Variants in RNF19A observed in about 807,000 individuals in gnomAD.
RNF19A encodes ring finger protein 19A, RBR E3 ubiquitin protein ligase, also known as E3 ubiquitin-protein ligase RNF19A.
In RNF19A, 32 loss-of-function variants were observed where a neutral mutation model predicts 75.7. The ratio of observed to expected loss-of-function variants is 0.42; its 90% CI spans 0.32 to 0.57. The LOEUF is 0.57. Ranked by LOEUF, RNF19A falls within the 20% of genes least tolerant of loss-of-function variation. The pLI is 0.10. For missense variants in RNF19A, 782 were observed against 1,036.3 expected (o/e 0.75, Z 3.37); for synonymous variants, 335 against 345.2 (o/e 0.97, Z 0.33).
In RNF19A at chr8:100,265,066, A is replaced by G. The variant is rs371175005; in HGVS notation, c.1192-281T>C. On this transcript the variant is annotated intron_variant, in intron 5 of 9. Transcript: ENST00000341084. ...TTATAATCTTAATCAAAAGTAGTGT[A>G]ATTATGTATCGAGCAAAGAGGAAGA... 1.4e-4 allele frequency among the ~76,000 whole-genome samples: 21 copies of G among 152,308 alleles called. No homozygotes were observed. In the South Asian group the frequency reaches 2.5e-3, roughly 18 times the overall value.
intron 2 of RNF19A, among the ~76,000 whole-genome samples, chr8:100,286,515 G>C (rs1365928142): frequency 6.6e-6 from 1 of 152,184 alleles, no homozygotes; most frequent in Non-Finnish European, 1.5e-5. Context: ...GGAAAATTGG[G>C]ATTTGCACAG....
rs1822224520 is a variant in RNF19A at position 100,309,771 on chromosome 8, G to A, written c.-94+96C>T. 3 of 985,412 alleles carry A rather than the reference G, an allele frequency of 3.0e-6. No homozygotes were observed. The South Asian group carries it at 1.4e-4, about 46-fold the overall frequency. 61.0% of individuals were successfully genotyped at this position (985,412 alleles called of 1,614,324 possible). ...ATTTCTGTCCCGGGCAGGGGCGCTAGGGCTGCGGCCCGGCCAGAGCTCCCT... is the reference window on the plus strand; with the variant it reads ...ATTTCTGTCCCGGGCAGGGGCGCTAAGGCTGCGGCCCGGCCAGAGCTCCCT... On this transcript the variant is annotated intron_variant, in intron 1 of 9. Coordinates refer to ENST00000341084, the MANE Select transcript of RNF19A (RefSeq NM_183419.4).
At position 100,264,810 on chromosome 8, in the gene RNF19A, G is replaced by A. The variant is rs1232661964; in HGVS notation, c.1192-25C>T. On this transcript the variant is annotated intron_variant, in intron 5 of 9. Transcript: ENST00000341084. This position sits in a 1 kb window ranked among gnomAD's most constrained non-coding sequence, Gnocchi z 4.7. The stretch of plus-strand genomic sequence containing the variant: ...TCTTGAATTAATAAAAATAGGGGTG[G>A]GGGATTAAAGAGAAAATACATTACA... 1.3e-5 allele frequency: 19 copies of A among 1,478,496 alleles called. No individual in the cohort carries two copies. Among genetic ancestry groups the A allele is most frequent in the Non-Finnish European group, 1.8e-5 (19 of 1,058,090 alleles). 91.6% of individuals were successfully genotyped at this position (1,478,496 alleles called of 1,614,324 possible).
At position 100,287,441 on chromosome 8, in the gene RNF19A, A is replaced by G. The variant is rs928751008; in HGVS notation, c.674+60T>C. 8.6e-6 allele frequency: 13 copies of G among 1,513,004 alleles called. No homozygotes were observed. The highest frequency in any genetic ancestry group is 1.1e-5 in the Non-Finnish European group (13 of 1,130,742). The allele number at this position is 1,513,004 out of a possible 1,614,324, so 93.7% of individuals were successfully genotyped here. ...AAAATTTTTCTTTTGAGTAATAGCA[A>G]ATTATTTTATCCACAGAGAAAAAAA... On this transcript the variant is annotated intron_variant, in intron 2 of 9. Transcript: ENST00000341084. This position sits in a 1 kb window ranked among gnomAD's most constrained non-coding sequence, Gnocchi z 4.1.
intron 1 of RNF19A, among the ~76,000 whole-genome samples, chr8:100,302,883 A>G (rs949842558): frequency 1.3e-5 from 2 of 152,238 alleles, no homozygotes; most frequent in Non-Finnish European, 2.9e-5. Context: ...GAGAAGAAAG[A>G]AACGATACAA....
intron 5 of RNF19A, among the ~76,000 whole-genome samples, chr8:100,267,678 CTTTT>C (rs34590798): frequency 1.4e-5 from 2 of 138,694 alleles, no homozygotes; most frequent in African/African-American, 2.7e-5. Flanking sequence ...CTTGTTAGTT[CTTTT>C]TTTTTTTTTT....
Position 100,317,551 on chromosome 8 carries a change from T to G in RNF19A, c.-242-4179A>C. ...ATCCCCAAAGGTCTTCTTGATGGAT[T>G]CTCAGGCGACTGTTCCCATTTGCCT... is the stretch of plus-strand genomic sequence containing the variant. On this transcript the variant is annotated intron_variant, in intron 1 of 3. Transcript: ENST00000519527. This position sits in a 1 kb window ranked among gnomAD's most constrained non-coding sequence, Gnocchi z 4.3. Among the ~76,000 whole-genome samples the G allele has an allele frequency of 6.6e-6, 1 of 152,202 alleles. No individual in the cohort carries two copies. The highest frequency in any genetic ancestry group is 1.9e-4 in the East Asian group (1 of 5,192).
chr8:100,307,329 CACT>C (rs1242021181), intron 1 of RNF19A, among the ~76,000 whole-genome samples: 12 of 152,110 alleles, frequency 7.9e-5, no homozygotes, highest in Non-Finnish European at 1.6e-4. Flanking sequence ...CTGCGCCCAG[CACT>C]TGACTAGGGA....
intron 2 of RNF19A, among the ~76,000 whole-genome samples, chr8:100,283,588 G>A (rs1459365791): frequency 6.6e-6 from 1 of 152,128 alleles, no homozygotes; most frequent in Non-Finnish European, 1.5e-5. Flanking sequence ...AGAATATTAG[G>A]TCAGAAACCC....
At chr8:100,277,140 C>G (rs181591035) in intron 2 of RNF19A, among the ~76,000 whole-genome samples, 6 of 152,292 alleles carry the variant, frequency 3.9e-5, no homozygotes, top group Admixed American at 2.0e-4. Context: ...TTTGTAAATA[C>G]TAAACATTTC....
At chr8:100,262,421 A>C (rs909468811) in intron 7 of RNF19A, among the ~76,000 whole-genome samples, 4 of 152,212 alleles carry the variant, frequency 2.6e-5, no homozygotes, top group Admixed American at 2.6e-4. Context: ...GTGAGTCATG[A>C]AATTTTCTAG....
At position 100,323,136 on chromosome 8, in the gene RNF19A, A is replaced by C. The variant is rs1380833434; in HGVS notation, c.-242-9764T>G. 6.6e-6 allele frequency among the ~76,000 whole-genome samples: 1 copy of C among 152,222 alleles called. No homozygotes were observed. Among genetic ancestry groups the C allele is most frequent in the Middle Eastern group, 3.2e-3 (1 of 316 alleles). ...ACAAAAAAAACTGTGAAGTGCAATA[A>C]AGCAAAGCACAATAAAATGAGGTAA... On this transcript the variant is annotated intron_variant, in intron 1 of 3. Transcript: ENST00000519527. The surrounding 1 kb of genome is among the most constrained non-coding windows in gnomAD (Gnocchi z 4.6).
At position 100,324,669 on chromosome 8, in the gene RNF19A, C is replaced by G. The variant is rs933754529; in HGVS notation, c.-242-11297G>C. Among the ~76,000 whole-genome samples the G allele has an allele frequency of 1.3e-5, 2 of 152,064 alleles. No homozygotes were observed. Among genetic ancestry groups the G allele is most frequent in the African/African-American group, 4.8e-5 (2 of 41,396 alleles). On this transcript the variant is annotated intron_variant, in intron 1 of 3. Coordinates refer to the RNF19A transcript ENST00000519527. This position sits in a 1 kb window ranked among gnomAD's most constrained non-coding sequence, Gnocchi z 4.2. The stretch of plus-strand genomic sequence containing the variant: ...AACGAAGAATTTCCAACCTGAGAAA[C>G]CTAAATATGAATCTACGCGTTTGCT...
In RNF19A at chr8:100,331,752, C is replaced by A. The variant is rs1291240500; in HGVS notation, c.-243+4356G>T. On this transcript the variant is annotated intron_variant, in intron 1 of 3. Transcript: ENST00000519527. The surrounding 1 kb of genome is among the most constrained non-coding windows in gnomAD (Gnocchi z 5.2). ...TTCCACCTCTTCAGTGCCTCTCCTGCAGACAACTATTATCCGTTTCATATG... is the reference window on the plus strand; with the variant it reads ...TTCCACCTCTTCAGTGCCTCTCCTGAAGACAACTATTATCCGTTTCATATG... Among the ~76,000 whole-genome samples the A allele has an allele frequency of 6.6e-6, 1 of 152,208 alleles. No individual in the cohort carries two copies. The highest frequency in any genetic ancestry group is 2.4e-5 in the African/African-American group (1 of 41,454).
rs901798935 is a variant in RNF19A, at chr8:100,275,442, A to G, written c.675-281T>C. 6.6e-6 allele frequency among the ~76,000 whole-genome samples: 1 copy of G among 151,504 alleles called. No homozygotes were observed. Among genetic ancestry groups the G allele is most frequent in the Non-Finnish European group, 1.5e-5 (1 of 67,888 alleles). On this transcript the variant is annotated intron_variant, in intron 2 of 9. Coordinates refer to ENST00000341084, the MANE Select transcript of RNF19A (RefSeq NM_183419.4). This position sits in a 1 kb window ranked among gnomAD's most constrained non-coding sequence, Gnocchi z 4.3. Reference sequence around the variant, plus strand: ...TTTAGATTCAGGGGGTACATGTGCAAGTTTGTTACATAGGTCTATTGCATG... The same window carrying G: ...TTTAGATTCAGGGGGTACATGTGCAGGTTTGTTACATAGGTCTATTGCATG...
intron 3 of RNF19A, among the ~76,000 whole-genome samples, chr8:100,271,345 T>A (rs1322942510): frequency 6.6e-6 from 1 of 152,196 alleles, no homozygotes; most frequent in Non-Finnish European, 1.5e-5. Context: ...AGTCTGCATT[T>A]AACAATTTTA....
chr8:100,287,139 T>C lies in RNF19A; in HGVS notation c.674+362A>G, dbSNP rs111664815. Among the ~76,000 whole-genome samples, 7 of 152,316 alleles carry C rather than the reference T, an allele frequency of 4.6e-5. 1 individual carries two copies. The highest frequency in any genetic ancestry group is 1.7e-4 in the African/African-American group (7 of 41,578). On this transcript the variant is annotated intron_variant, in intron 2 of 9. Transcript: ENST00000341084. The surrounding 1 kb of genome is among the most constrained non-coding windows in gnomAD (Gnocchi z 4.1). Reference sequence around the variant, plus strand: ...AAATAAAGAAGGTCATTTGAATTTATGACCACAAATAACCCCCTCATCATA... The same window carrying C: ...AAATAAAGAAGGTCATTTGAATTTACGACCACAAATAACCCCCTCATCATA...
At chr8:100,262,742 C>A (rs1016251335) in intron 7 of RNF19A, among the ~76,000 whole-genome samples, 10 of 152,118 alleles carry the variant, frequency 6.6e-5, no homozygotes, top group African/African-American at 2.4e-4. Context: ...GTTGATACAG[C>A]AGTTAAGAGG....
At chr8:100,268,683 T>TA (rs34297750) in intron 5 of RNF19A, 102 bp downstream of exon 5, 12,737 of 352,462 alleles carry the variant, frequency 0.036, 99 homozygotes, top group Non-Finnish European at 0.043. Flanking sequence ...ACCCTTTGTC[T>TA]AAAAAAAAAA....
Sources: gnomAD v4.1 joint callset for allele counts (sites outside exome capture counted in the v4.1 genomes callset) on GRCh38, gnomAD v4.1.1 for gene constraint, Gnocchi (gnomAD v3.1) non-coding constraint, MANE v1.5 for transcripts, NCBI Gene and HGNC (gene_info 2026-07-23, HGNC 2026-07-21) for gene names.